The following HPSE2 variants were observed in gnomAD, a reference collection of about 807,000 sequenced individuals.
The protein encoded by HPSE2 is inactive heparanase-2.
A neutral mutation model predicts 60.5 loss-of-function variants in HPSE2; 38 were observed. The observed-to-expected ratio is 0.63, with a 90% confidence interval of 0.48 to 0.82. The LOEUF (loss-of-function observed/expected upper bound fraction) is 0.82. HPSE2 is among the 40% of genes least tolerant of loss of function. The pLI is 0.00. For synonymous variants in HPSE2, 295 were observed against 293.2 expected (o/e 1.01, Z -0.06); for missense variants, 713 against 740.4 (o/e 0.96, Z 0.43).
intron 9 of HPSE2, among the ~76,000 whole-genome samples, chr10:98,611,980 T>C (rs1945774707): frequency 6.6e-6 from 1 of 151,994 alleles, no homozygotes; most frequent in Non-Finnish European, 1.5e-5. Context: ...TTAAAGAAAG[T>C]CACTGACAGC....
chr10:98,521,228 T>C (rs1465701776), intron 9 of HPSE2, among the ~76,000 whole-genome samples: 1 of 152,162 alleles, frequency 6.6e-6, no homozygotes, highest in African/African-American at 2.4e-5. Context: ...AGAAAATTTT[T>C]GCAATCTACC....
chr10:98,744,043 G>C lies in HPSE2; in HGVS notation c.624C>G (p.Asp208Glu), dbSNP rs768151491. The C allele has an allele frequency of 1.2e-5, 20 of 1,614,066 alleles. No individual in the cohort carries two copies. The highest frequency in any genetic ancestry group is 1.7e-5 in the Non-Finnish European group (20 of 1,179,966). ...SNLILTARSLDKLYNFADCSG... is the reference protein window; with the variant it reads ...SNLILTARSLEKLYNFADCSG... ...AGCAATCAGCAAAGTTATAAAGTTTGTCTAGAGACCTGGCTGGGAAGAAGC... is the reference window on the plus strand; with the variant it reads ...AGCAATCAGCAAAGTTATAAAGTTTCTCTAGAGACCTGGCTGGGAAGAAGC... Residue 208 changes from aspartate to glutamate, a missense_variant, in exon 4 of 12, where the codon GAC becomes GAG. Asp to Glu is a conservative substitution (Grantham distance 45). Coordinates refer to ENST00000370552, the MANE Select transcript of HPSE2 (RefSeq NM_021828.5).
intron 3 of HPSE2, among the ~76,000 whole-genome samples, chr10:99,124,415 G>T (rs1168360721): frequency 2.0e-5 from 3 of 152,286 alleles, no homozygotes; most frequent in South Asian, 2.1e-4. Context: ...ACCACTTTCT[G>T]CCCAGAAGCC....
intron 3 of HPSE2, among the ~76,000 whole-genome samples, chr10:98,879,608 A>G (rs925394170): frequency 6.6e-6 from 1 of 151,988 alleles, no homozygotes; most frequent in African/African-American, 2.4e-5. Context: ...CAAAATAAAT[A>G]TGCATTCTCT....
At chr10:98,909,783 T>G (rs2135016452) in intron 3 of HPSE2, among the ~76,000 whole-genome samples, 1 of 152,180 alleles carries the variant, frequency 6.6e-6, no homozygotes, top group African/African-American at 2.4e-5. Context: ...ATAAGGTTAC[T>G]TATAAAACTT....
chr10:98,903,488 C>T (rs1953723915), intron 3 of HPSE2, among the ~76,000 whole-genome samples: 1 of 152,116 alleles, frequency 6.6e-6, no homozygotes, highest in African/African-American at 2.4e-5. Context: ...TTCGGTCTCT[C>T]TGCAGTTTCT....
At chr10:98,967,048 C>T (rs1955830625) in intron 3 of HPSE2, among the ~76,000 whole-genome samples, 1 of 152,210 alleles carries the variant, frequency 6.6e-6, no homozygotes, top group Non-Finnish European at 1.5e-5. Context: ...TCTGCCATGA[C>T]TGGCACCAGT....
At chr10:99,082,847 A>G (rs1261934418) in intron 3 of HPSE2, among the ~76,000 whole-genome samples, 4 of 152,192 alleles carry the variant, frequency 2.6e-5, no homozygotes, top group Admixed American at 1.3e-4. Context: ...GAGCCTTAAC[A>G]TGCAAAATAC....
At chr10:99,228,100 T>C (rs1420685821) in intron 2 of HPSE2, among the ~76,000 whole-genome samples, 1 of 152,148 alleles carries the variant, frequency 6.6e-6, no homozygotes, top group African/African-American at 2.4e-5. Flanking sequence ...AGCTCTGACT[T>C]AAGCCAAGAG....
At chr10:99,169,504 C>CAAAAAAAAAAAAAAAA (rs562946052) in intron 2 of HPSE2, among the ~76,000 whole-genome samples, 1 of 54,734 alleles carries the variant, frequency 1.8e-5, no homozygotes, top group African/African-American at 6.1e-5. Context: ...GACTCCGTCT[C>CAAAAAAAAAAAAAAAA]AAAAAAAAAA....
intron 4 of HPSE2, among the ~76,000 whole-genome samples, 187 bp from the exon 5 acceptor site, chr10:98,722,015 C>T (rs572175967): frequency 1.3e-5 from 2 of 151,212 alleles, no homozygotes; most frequent in African/African-American, 4.9e-5. Context: ...CTTGCTGTTC[C>T]ATTCATTTTC....
chr10:99,237,618 T>C (rs760652015), upstream of HPSE2, among the ~76,000 whole-genome samples: 2 of 152,242 alleles, frequency 1.3e-5, no homozygotes, highest in Non-Finnish European at 2.9e-5. Context: ...TATTTAAAGA[T>C]GATTTTTTTA....
chr10:98,998,969 G>A (rs1367327412), intron 3 of HPSE2, among the ~76,000 whole-genome samples: 3 of 152,186 alleles, frequency 2.0e-5, no homozygotes, highest in Admixed American at 2.0e-4. Context: ...TATAAGGCTG[G>A]AATTACATTT....
intron 3 of HPSE2, among the ~76,000 whole-genome samples, chr10:98,820,460 C>A (rs985879986): frequency 2.0e-5 from 3 of 152,138 alleles, no homozygotes; most frequent in Admixed American, 2.0e-4. Context: ...GAGATAGGGG[C>A]TGGCAGGTTC....
At chr10:99,253,516 C>T in the HPSE2 span, among the ~76,000 whole-genome samples, 5 of 151,942 alleles carry the variant, frequency 3.3e-5, no homozygotes, top group African/African-American at 1.2e-4. Flanking sequence ...AGAAGAAAAC[C>T]TAGGAAACAC....
chr10:98,549,294 T>C (rs1943789561), intron 9 of HPSE2, among the ~76,000 whole-genome samples: 1 of 152,220 alleles, frequency 6.6e-6, no homozygotes, highest in African/African-American at 2.4e-5. Context: ...TAAATACTTC[T>C]AGACTACTGA....
intron 2 of HPSE2, among the ~76,000 whole-genome samples, chr10:99,209,521 C>T (rs1327374436): frequency 1.3e-5 from 2 of 151,110 alleles, no homozygotes; most frequent in Non-Finnish European, 2.9e-5. Flanking sequence ...TAAATGCTTA[C>T]AGGGGAAAAA....
At chr10:98,597,241 C>T (rs1945264376) in intron 9 of HPSE2, among the ~76,000 whole-genome samples, 1 of 152,094 alleles carries the variant, frequency 6.6e-6, no homozygotes, top group Non-Finnish European at 1.5e-5. Context: ...ATATCAGAGA[C>T]CTTTGGCCTT....
At chr10:98,686,978 A>T (rs1048180687) in intron 6 of HPSE2, among the ~76,000 whole-genome samples, 5 of 152,172 alleles carry the variant, frequency 3.3e-5, no homozygotes, top group African/African-American at 1.2e-4. Context: ...ATTTATTTTA[A>T]TCTAGTCCTG....
Sources: gnomAD v4.1 joint callset for allele counts (sites outside exome capture counted in the v4.1 genomes callset) on GRCh38, gnomAD v4.1.1 for gene constraint, MANE v1.5 for transcripts, NCBI Gene and HGNC (gene_info 2026-07-23, HGNC 2026-07-21) for gene names.